The following GNAQ variants were observed in gnomAD, a reference collection of about 807,000 sequenced individuals.
The protein encoded by GNAQ is guanine nucleotide-binding protein G(q) subunit alpha.
In GNAQ, 8 loss-of-function variants were observed where a neutral mutation model predicts 43.9. The observed-to-expected ratio is 0.18, with a 90% CI of 0.11 to 0.33. The LOEUF is 0.33. GNAQ is among the 10% of genes least tolerant of loss of function. The pLI is 1.00. For missense variants in GNAQ, 158 were observed against 450.8 expected (o/e 0.35, Z 5.88); for synonymous variants, 155 against 170.7 (o/e 0.91, Z 0.71).
chr9:77,906,077 T>A (rs929848298), intron 2 of GNAQ, among the ~76,000 whole-genome samples: 3 of 151,676 alleles, frequency 2.0e-5, no homozygotes, highest in African/African-American at 7.3e-5. Flanking sequence ...TGCACATGTA[T>A]CCCGGAACTT....
At chr9:77,741,396 A>C (rs1564096396) in intron 5 of GNAQ, among the ~76,000 whole-genome samples, 1 of 152,224 alleles carries the variant, frequency 6.6e-6, no homozygotes, top group Non-Finnish European at 1.5e-5. Context: ...TAAAAGCAAA[A>C]GTAAGGTCTC....
intron 5 of GNAQ, among the ~76,000 whole-genome samples, chr9:77,739,711 G>A (rs1825624881): frequency 6.6e-6 from 1 of 152,200 alleles, no homozygotes; most frequent in Non-Finnish European, 1.5e-5. Flanking sequence ...TTTGCAAACT[G>A]TAGGAGAGTT....
At chr9:78,004,517 C>T (rs1823682401) in intron 1 of GNAQ, among the ~76,000 whole-genome samples, 1 of 151,994 alleles carries the variant, frequency 6.6e-6, no homozygotes, top group Non-Finnish European at 1.5e-5. Flanking sequence ...TTTGAGAAGT[C>T]CTGCGTGACA....
intron 1 of GNAQ, among the ~76,000 whole-genome samples, chr9:77,987,610 C>A (rs1397297546): frequency 1.3e-5 from 2 of 152,162 alleles, no homozygotes; most frequent in Admixed American, 6.5e-5. Flanking sequence ...TTCATCCGGT[C>A]CGCAATATTT....
chr9:77,760,180 C>T (rs1376868746), intron 5 of GNAQ, among the ~76,000 whole-genome samples: 3 of 147,160 alleles, frequency 2.0e-5, no homozygotes, highest in Non-Finnish European at 3.0e-5. Context: ...CTATCTAGTT[C>T]GAAAACATTT....
At chr9:77,858,192 A>C (rs1473174568) in intron 2 of GNAQ, among the ~76,000 whole-genome samples, 1 of 152,152 alleles carries the variant, frequency 6.6e-6, no homozygotes, top group African/African-American at 2.4e-5. Flanking sequence ...TGGCACAATC[A>C]TGAGATTGAG....
chr9:77,965,224 A>AATT (rs1823151853), intron 1 of GNAQ, among the ~76,000 whole-genome samples: 1 of 152,118 alleles, frequency 6.6e-6, no homozygotes, highest in African/African-American at 2.4e-5. Context: ...CAACACCCAT[A>AATT]ATTATATAAA....
At chr9:78,005,889 G>C (rs986783867) in intron 1 of GNAQ, among the ~76,000 whole-genome samples, 1 of 152,070 alleles carries the variant, frequency 6.6e-6, no homozygotes, top group South Asian at 2.1e-4. Flanking sequence ...ATGCAAAATC[G>C]GCCAACGGAA....
intron 2 of GNAQ, among the ~76,000 whole-genome samples, chr9:77,871,914 T>TA (rs1389776872): frequency 1.1e-4 from 17 of 152,284 alleles, no homozygotes; most frequent in South Asian, 4.1e-4. Flanking sequence ...TGAAAGGGCA[T>TA]AAGGGTAGAG....
At chr9:77,848,491 A>G (rs540434925) in intron 2 of GNAQ, among the ~76,000 whole-genome samples, 1 of 152,290 alleles carries the variant, frequency 6.6e-6, no homozygotes, top group Non-Finnish European at 1.5e-5. Context: ...TCAAACCCCA[A>G]ATTGGCCTGT....
At chr9:77,787,364 G>A (rs751127197) in intron 5 of GNAQ, among the ~76,000 whole-genome samples, 1 of 152,144 alleles carries the variant, frequency 6.6e-6, no homozygotes, top group Non-Finnish European at 1.5e-5. Context: ...TTCTTGACAG[G>A]GGTGTTAAAC....
At chr9:77,867,222 T>C (rs1827963714) in intron 2 of GNAQ, among the ~76,000 whole-genome samples, 1 of 152,216 alleles carries the variant, frequency 6.6e-6, no homozygotes, top group South Asian at 2.1e-4. Context: ...GTGCTCACTG[T>C]GCTACTCACT....
chr9:78,027,571 T>G (rs565170977), intron 1 of GNAQ, among the ~76,000 whole-genome samples: 1 of 152,020 alleles, frequency 6.6e-6, no homozygotes, highest in Non-Finnish European at 1.5e-5. Flanking sequence ...ACTAACATGT[T>G]GAAACCCCAG....
intron 5 of GNAQ, among the ~76,000 whole-genome samples, chr9:77,781,333 A>G (rs532889536): frequency 6.6e-6 from 1 of 152,108 alleles, no homozygotes; most frequent in South Asian, 2.1e-4. Flanking sequence ...TCACAACACC[A>G]TTTATTGAAA....
At chr9:77,863,113 G>T (rs1317155303) in intron 2 of GNAQ, among the ~76,000 whole-genome samples, 1 of 151,920 alleles carries the variant, frequency 6.6e-6, no homozygotes, top group East Asian at 1.9e-4. Flanking sequence ...GGCAGAAGTT[G>T]CAGTGAGCTG....
At chr9:77,891,158 AT>A (rs1190547950) in intron 2 of GNAQ, among the ~76,000 whole-genome samples, 2 of 152,142 alleles carry the variant, frequency 1.3e-5, no homozygotes, top group Non-Finnish European at 2.9e-5. Context: ...AGTTTTCCTT[AT>A]TTTGATTTTT....
intron 1 of GNAQ, among the ~76,000 whole-genome samples, chr9:77,929,883 G>T (rs921994833): frequency 6.6e-6 from 1 of 151,856 alleles, no homozygotes; most frequent in Non-Finnish European, 1.5e-5. Context: ...GTTATTTTTC[G>T]CTTAACATAC....
At chr9:77,911,580 C>G (rs1828804625) in intron 2 of GNAQ, among the ~76,000 whole-genome samples, 1 of 152,164 alleles carries the variant, frequency 6.6e-6, no homozygotes, top group Non-Finnish European at 1.5e-5. Flanking sequence ...TTGGTCTACT[C>G]CCAATAGCTT....
chr9:78,029,034 T>C (rs1587468929), intron 1 of GNAQ, among the ~76,000 whole-genome samples: 1 of 152,316 alleles, frequency 6.6e-6, no homozygotes, highest in East Asian at 1.9e-4. Context: ...TTTACACTTT[T>C]TCTCAGAAAA....
Sources: gnomAD v4.1 joint callset for allele counts (sites outside exome capture counted in the v4.1 genomes callset) on GRCh38, gnomAD v4.1.1 for gene constraint, MANE v1.5 for transcripts, NCBI Gene and HGNC (gene_info 2026-07-23, HGNC 2026-07-21) for gene names.